F5: variants seen among roughly 807,000 people sequenced by gnomAD.
The protein encoded by F5 is activated protein c cofactor.
F5 carries 138 observed loss-of-function variants against 216.4 expected under a neutral mutation model. The observed-to-expected ratio is 0.64, with a 90% CI of 0.56 to 0.73. F5 has a LOEUF of 0.73. Ranked by LOEUF, F5 falls within the 30% of genes least tolerant of loss-of-function variation. F5 has a pLI of 0.00. For missense variants in F5, 2,403 were observed against 2,674.0 expected, an observed-to-expected ratio of 0.90 and a Z score of 2.24; for synonymous variants, 916 against 930.7, an observed-to-expected ratio of 0.98 and a Z score of 0.29.
chr1:169,573,568 GT>G (rs770019105), intron 2 of F5, among the ~76,000 whole-genome samples: 3 of 152,182 alleles, frequency 2.0e-5, no homozygotes, highest in Non-Finnish European at 4.4e-5. Context: ...TGACCTCAAG[GT>G]GTTTTATCAG....
At chr1:169,550,532 T>C (rs1571582375) in intron 9 of F5, 108 bp downstream of exon 9, 5 of 814,886 alleles carry the variant, frequency 6.1e-6, no homozygotes, top group Non-Finnish European at 1.1e-5. Context: ...CCTACATGTA[T>C]ACTACCTGAC....
chr1:169,569,418 A>T (rs1660677458), intron 3 of F5, among the ~76,000 whole-genome samples: 1 of 152,106 alleles, frequency 6.6e-6, no homozygotes, highest in Non-Finnish European at 1.5e-5. Context: ...GAATATAACT[A>T]AAAGAAAAGA....
rs746725380 is a variant in F5 at position 169,542,308 on chromosome 1, G to A, written c.2782C>T (p.Pro928Ser). The A allele has an allele frequency of 5.0e-6, 8 of 1,614,082 alleles. No individual in the cohort carries two copies. Among genetic ancestry groups the A allele is most frequent in the Non-Finnish European group, 5.9e-6 (7 of 1,180,000 alleles). Reference sequence around the variant, plus strand: ...TGTTTTAAGAGTAACAGATCACTAGGAGGGTCCTTCCAGGGCCTCATTCTG... The same window carrying A: ...TGTTTTAAGAGTAACAGATCACTAGAAGGGTCCTTCCAGGGCCTCATTCTG... ...PSRMRPWKDPPSDLLLLKQSN... is the reference protein window; with the variant it reads ...PSRMRPWKDPSSDLLLLKQSN... Residue 928 changes from proline to serine, a missense_variant, in exon 13 of 25, where the codon CCT (proline) becomes TCT (serine). Transcript: ENST00000367797.
intron 8 of F5, 78 bp from the exon 9 acceptor site, chr1:169,550,817 T>G (rs998971083): frequency 1.0e-5 from 11 of 1,099,372 alleles, no homozygotes; most frequent in Admixed American, 1.7e-5. Flanking sequence ...CTTTGCATAT[T>G]CACCTTTTGG....
rs372998280 is a variant in F5, at chr1:169,523,830, C to A, written c.5863G>T (p.Ala1955Ser). The A allele has an allele frequency of 1.1e-5, 17 of 1,613,744 alleles. No individual in the cohort carries two copies. The highest frequency in any genetic ancestry group is 1.4e-5 in the Non-Finnish European group (16 of 1,179,928). ...ATCCAAGGTTTAGAGGCAAATTCTG[C>A]TGCAAGTTTTTCTACACTCCAAGCA... ...YNAWSVEKLA[A>S]EFASKPWIQV... is the part of the protein sequence containing the mutation. Residue 1955 changes from alanine (A) to serine (S), a missense_variant, in exon 20 of 25, where the codon GCA (alanine) becomes TCA (serine). Physicochemically the swap from Ala to Ser is moderately conservative, Grantham distance 99. Around this residue, in one of 4 missense-constraint regions of F5, gnomAD observed 659 missense variants for 787.9 expected, o/e 0.84. Transcript: ENST00000367797.
chr1:169,568,894 G>C (rs1428836954), intron 3 of F5, among the ~76,000 whole-genome samples: 2 of 152,016 alleles, frequency 1.3e-5, no homozygotes, highest in African/African-American at 4.8e-5. Context: ...TTATTTTTGT[G>C]AACAACTCTT....
At chr1:169,523,962 T>C in intron 19 of F5, 58 bp from the exon 20 acceptor site, 1 of 1,433,426 alleles carries the variant, frequency 7.0e-7, no homozygotes, top group Non-Finnish European at 9.8e-7. Context: ...CAGCAATTTC[T>C]CAAGTGAGTT....
intron 17 of F5, among the ~76,000 whole-genome samples, chr1:169,527,308 C>G (rs1247025631): frequency 6.6e-6 from 1 of 152,196 alleles, no homozygotes; most frequent in Non-Finnish European, 1.5e-5. Context: ...GATACACTTA[C>G]AAACAACTCA....
intron 19 of F5, among the ~76,000 whole-genome samples, chr1:169,524,271 G>T (rs181606402): frequency 6.6e-6 from 1 of 152,232 alleles, no homozygotes; most frequent in Non-Finnish European, 1.5e-5. Context: ...CTTTGAGGCA[G>T]TGTGGGAAAA....
intron 10 of F5, among the ~76,000 whole-genome samples, chr1:169,548,661 A>G (rs1280439872): frequency 6.6e-6 from 1 of 152,156 alleles, no homozygotes; most frequent in African/African-American, 2.4e-5. Flanking sequence ...TTAGGTCAGG[A>G]GTTCGAGACC....
intron 3 of F5, among the ~76,000 whole-genome samples, chr1:169,570,288 A>G (rs1418150984): frequency 6.6e-6 from 1 of 152,142 alleles, no homozygotes; most frequent in Non-Finnish European, 1.5e-5. Flanking sequence ...CAGCCCAGGT[A>G]GGGTCCAAAG....
Position 169,541,486 on chromosome 1 carries a change from TCTGGCTGAGTTCTGGAGAGAGGGTCAC to T in F5, c.3577_3603del (p.Val1193_Gln1201del), listed in dbSNP as rs1659849589. ...TGGCTGAGGTCTGGAGAGAGGTTTG[TCTGGCTGAGTTCTGGAGAGAGGGTCAC>T]CTGGCTGAGGTCTGGAGAGATGACT... On this transcript the variant is annotated inframe_deletion, in exon 13 of 25. Transcript: ENST00000367797. 6.2e-7 allele frequency: 1 copy of T among 1,614,016 alleles called. No homozygotes were observed. The highest frequency in any genetic ancestry group is 8.5e-7 in the Non-Finnish European group (1 of 1,180,020).
intron 3 of F5, among the ~76,000 whole-genome samples, chr1:169,566,356 G>T (rs1451633873): frequency 6.6e-6 from 1 of 152,042 alleles, no homozygotes; most frequent in African/African-American, 2.4e-5. Context: ...TATATTCTTT[G>T]CAGGGTAGGA....
chr1:169,528,981 G>T (rs180883277), intron 16 of F5, among the ~76,000 whole-genome samples: 18 of 152,230 alleles, frequency 1.2e-4, no homozygotes, highest in Non-Finnish European at 1.9e-4. Context: ...ACACAAGCTC[G>T]TACCTTTCTC....
In F5 at chr1:169,555,194, G is replaced by A. The variant is rs200934105; in HGVS notation, c.1106C>T (p.Ala369Val). The change falls in exon 7 of 25, where the codon GCG (alanine) becomes GTG (valine). Residue 369 changes from alanine (A) to valine (V), a missense_variant. Physicochemically the swap from Ala to Val is moderately conservative, Grantham distance 64. This residue lies in a region of F5 where 1,425 missense variants were observed against 1,554.8 expected (regional missense o/e 0.92). Coordinates refer to ENST00000367797, the MANE Select transcript of F5 (RefSeq NM_000130.5). ...VIWDYAPVIP[A>V]NMDKKYRSQH... ...CCCAACAACTCACTTGTCCATATTC[G>A]CTGGTATTACAGGTGCATAGTCCCA... 227 of 1,613,872 alleles carry A rather than the reference G, an allele frequency of 1.4e-4. No individual in the cohort carries two copies. Among genetic ancestry groups the A allele is most frequent in the East Asian group, 1.2e-3 (52 of 44,876 alleles).
intron 1 of F5, among the ~76,000 whole-genome samples, chr1:169,585,954 C>G (rs1471900011): frequency 1.3e-5 from 2 of 152,094 alleles, no homozygotes; most frequent in Non-Finnish European, 2.9e-5. Flanking sequence ...CACAAACATA[C>G]TAACAAAACT....
chr1:169,532,344 T>C (rs540524418), intron 14 of F5, among the ~76,000 whole-genome samples: 4 of 152,042 alleles, frequency 2.6e-5, no homozygotes, highest in African/African-American at 9.6e-5. Context: ...GAAATTCTAG[T>C]CACAGCAATC....
At chr1:169,522,057 C>G (rs1417801641) in intron 21 of F5, among the ~76,000 whole-genome samples, 4 of 152,058 alleles carry the variant, frequency 2.6e-5, no homozygotes, top group Admixed American at 6.5e-5. Context: ...ACAAACAACT[C>G]TACACATATA....
chr1:169,534,179 G>T (rs995821793), intron 14 of F5, among the ~76,000 whole-genome samples: 1 of 152,118 alleles, frequency 6.6e-6, no homozygotes, highest in Admixed American at 6.6e-5. Context: ...CCCTCTTAGA[G>T]TTGTGAGCCC....
Sources: allele counts gnomAD v4.1 joint callset (sites outside exome capture counted in the v4.1 genomes callset), GRCh38; gene constraint gnomAD v4.1.1; regional missense constraint gnomAD v4.1.1; transcripts MANE v1.5; gene names NCBI Gene and HGNC (gene_info 2026-07-23, HGNC 2026-07-21).